The following PRPF6 variants were observed in gnomAD, a reference collection of about 807,000 sequenced individuals.
The protein encoded by PRPF6 is pre-mRNA processing factor 6.
In PRPF6, 42 loss-of-function variants were observed where a neutral mutation model predicts 118.3. The ratio of observed to expected loss-of-function variants is 0.35; its 90% CI spans 0.28 to 0.46. The LOEUF (loss-of-function observed/expected upper bound fraction) is 0.46, where lower values mean the gene tolerates loss of function less well. Among genes scored for constraint, PRPF6 ranks in the 20% least tolerant of loss-of-function variants. The pLI is 1.00. For synonymous variants in PRPF6, 481 were observed against 485.1 expected, an observed-to-expected ratio of 0.99 and a Z score of 0.11; for missense variants, 662 against 1,255.7, an observed-to-expected ratio of 0.53 and a Z score of 7.15.
intron 12 of PRPF6, among the ~76,000 whole-genome samples, chr20:64,020,185 G>T (rs113406718): frequency 0.013 from 1,971 of 152,298 alleles, 56 homozygotes; most frequent in African/African-American, 0.045. Context: ...GGAGGCCGAG[G>T]TGGGTGGATC....
At chr20:64,000,052 C>T (rs1315800691) in intron 8 of PRPF6, among the ~76,000 whole-genome samples, 8 of 151,918 alleles carry the variant, frequency 5.3e-5, no homozygotes, top group Non-Finnish European at 1.2e-4. Context: ...GCCAGGTTCA[C>T]ACCATTGTCC....
intron 3 of PRPF6, 67 bp from the exon 4 acceptor site, chr20:63,993,340 A>T: frequency 8.6e-7 from 1 of 1,164,238 alleles, no homozygotes; most frequent in Admixed American, 1.7e-5. Context: ...TTTAATTGAG[A>T]TGGATAATAA....
intron 4 of PRPF6, among the ~76,000 whole-genome samples, chr20:63,994,081 C>A (rs567393177): frequency 1.3e-5 from 2 of 151,848 alleles, no homozygotes; most frequent in East Asian, 3.9e-4. Context: ...TAAACTGTGT[C>A]CCCTGGGCTT....
intron 2 of PRPF6, among the ~76,000 whole-genome samples, chr20:63,983,923 G>C (rs537222377): frequency 1.3e-4 from 20 of 152,176 alleles, no homozygotes; most frequent in Non-Finnish European, 2.4e-4. Flanking sequence ...AAAGTGTTGG[G>C]ATTACAGGCG....
At position 63,986,883 on chromosome 20, in the gene PRPF6, C is replaced by G. The variant is rs193246850; in HGVS notation, c.359+1858C>G. On this transcript the variant is annotated intron_variant, in intron 3 of 20. Transcript: ENST00000266079. ...AAAACTGCATATAGAAGAAACATAC[C>G]TCAGGCTGGGTGTGGTGGCTCACGT... Among the ~76,000 whole-genome samples the G allele has an allele frequency of 3.6e-4, 54 of 151,662 alleles. No individual in the cohort carries two copies. The East Asian group carries it at 8.0e-3, about 23-fold the overall frequency.
intron 3 of PRPF6, among the ~76,000 whole-genome samples, chr20:63,992,491 A>C (rs2059122927): frequency 6.6e-6 from 1 of 152,094 alleles, no homozygotes; most frequent in Non-Finnish European, 1.5e-5. Context: ...TCCTGACCTC[A>C]GGTGATCTGC....
intron 6 of PRPF6, among the ~76,000 whole-genome samples, chr20:63,998,169 A>T (rs1601515870): frequency 6.6e-6 from 1 of 151,736 alleles, no homozygotes; most frequent in Non-Finnish European, 1.5e-5. Flanking sequence ...ATCTCGGCTC[A>T]CTGCAGCCTC....
At chr20:64,005,719 G>A (rs1282399471) in intron 9 of PRPF6, among the ~76,000 whole-genome samples, 1 of 151,970 alleles carries the variant, frequency 6.6e-6, no homozygotes, top group Non-Finnish European at 1.5e-5. Context: ...GGGACCATAG[G>A]TACATACTAC....
At chr20:64,005,555 G>T (rs1459289351) in intron 9 of PRPF6, among the ~76,000 whole-genome samples, 2 of 151,978 alleles carry the variant, frequency 1.3e-5, no homozygotes, top group South Asian at 2.1e-4. Flanking sequence ...CTTGGTCAGG[G>T]TTCTTGACCT....
Position 63,983,343 on chromosome 20 carries a change from G to A in PRPF6, c.240+128G>A, listed in dbSNP as rs2059079453. ...ATGCATTTAAATTTTAGCTATTCAT[G>A]GAACATCTTTACTGAGAGTGAGAGG... On this transcript the variant is annotated intron_variant, in intron 2 of 20. Transcript: ENST00000266079. 3 of 1,194,512 alleles carry A rather than the reference G, an allele frequency of 2.5e-6. No homozygotes were observed. The South Asian group carries it at 3.7e-5, about 15-fold the overall frequency. 74.0% of individuals were successfully genotyped at this position (1,194,512 alleles called of 1,614,324 possible).
intron 3 of PRPF6, among the ~76,000 whole-genome samples, chr20:63,991,257 C>T (rs2059117319): frequency 6.6e-6 from 1 of 151,828 alleles, no homozygotes; most frequent in Non-Finnish European, 1.5e-5. Context: ...AACCCTGTCT[C>T]TACAAAAACA....
At position 64,028,428 on chromosome 20, in the gene PRPF6, A is replaced by G; in HGVS notation, c.2340-50A>G. ...AAGGCTTCCCAGAAGCTACCAGAAT[A>G]TGTGCTGTTGGTAGACGGCTGTGGG... On this transcript the variant is annotated intron_variant, in intron 17 of 20. Coordinates refer to ENST00000266079, the MANE Select transcript of PRPF6 (RefSeq NM_012469.4). This position sits in a 1 kb window ranked among gnomAD's most constrained non-coding sequence, Gnocchi z 6.5. 1 of 1,583,792 alleles carries G rather than the reference A, an allele frequency of 6.3e-7. No homozygotes were observed. Among genetic ancestry groups the G allele is most frequent in the Non-Finnish European group, 8.7e-7 (1 of 1,153,232 alleles).
chr20:63,988,641 G>T (rs2059105401), intron 3 of PRPF6, among the ~76,000 whole-genome samples: 1 of 152,164 alleles, frequency 6.6e-6, no homozygotes, highest in African/African-American at 2.4e-5. Flanking sequence ...ACTTTGGGAG[G>T]CTGAGGCAGG....
At chr20:64,005,323 A>G (rs2059185096) in intron 9 of PRPF6, among the ~76,000 whole-genome samples, 2 of 152,180 alleles carry the variant, frequency 1.3e-5, no homozygotes, top group Non-Finnish European at 2.9e-5. Context: ...CCGCATGAAT[A>G]TTCTGTTCTT....
At chr20:64,032,800 G>A (rs562703575) in intron 20 of PRPF6, 41 bp from the exon 21 acceptor site, 58 of 1,576,094 alleles carry the variant, frequency 3.7e-5, no homozygotes, top group African/African-American at 9.4e-5. Context: ...GGGGAGTAGC[G>A]TGGGAGGACC....
At chr20:64,021,851 G>A (rs377676905) in intron 12 of PRPF6, among the ~76,000 whole-genome samples, 92 of 148,330 alleles carry the variant, frequency 6.2e-4, no homozygotes, top group African/African-American at 2.1e-3. Context: ...GTGTGTATGC[G>A]TGCATGTATG....
In PRPF6 at chr20:63,983,141, G is replaced by A. The variant is rs748191076; in HGVS notation, c.166G>A (p.Val56Ile). ...DRHAPPGKRT[V>I]GDQMKKNQAA... Reference sequence around the variant, plus strand: ...CCATGCACCCCCAGGCAAGAGAACCGTTGGGGACCAGATGAAGAAAAATCA... The same window carrying A: ...CCATGCACCCCCAGGCAAGAGAACCATTGGGGACCAGATGAAGAAAAATCA... Residue 56 changes from valine (V) to isoleucine (I), a missense_variant, in exon 2 of 21, where the codon GTT (valine) becomes ATT (isoleucine). Val to Ile is a conservative substitution (Grantham distance 29, BLOSUM62 3). This residue lies in a region of PRPF6 where 21 missense variants were observed against 45.5 expected (regional missense o/e 0.46). Transcript: ENST00000266079. The A allele has an allele frequency of 3.1e-6, 5 of 1,614,050 alleles. No homozygotes were observed. The highest frequency in any genetic ancestry group is 1.3e-5 in the African/African-American group (1 of 74,914).
At chr20:63,990,767 C>A (rs1189518108) in intron 3 of PRPF6, among the ~76,000 whole-genome samples, 1 of 152,074 alleles carries the variant, frequency 6.6e-6, no homozygotes, top group Admixed American at 6.6e-5. Context: ...GCCTCAGCCT[C>A]CCAAGTGGCT....
In PRPF6 at chr20:63,996,417, C is replaced by T. The variant is rs147493817; in HGVS notation, c.771+935C>T. On this transcript the variant is annotated intron_variant, in intron 6 of 20. Coordinates refer to ENST00000266079, the MANE Select transcript of PRPF6 (RefSeq NM_012469.4). ...CAGCCTTGACCTCCCTGGGCTAAGG[C>T]GATCCTTCCACCTCAGCCTGCCAAG... Among the ~76,000 whole-genome samples, 154 of 152,276 alleles carry T rather than the reference C, an allele frequency of 1.0e-3. 1 individual carries two copies. In the East Asian group the frequency reaches 0.027, roughly 26 times the overall value.
Sources: gnomAD v4.1 joint callset for allele counts (sites outside exome capture counted in the v4.1 genomes callset) on GRCh38, gnomAD v4.1.1 for gene constraint, gnomAD v4.1.1 regional missense constraint, Gnocchi (gnomAD v3.1) non-coding constraint, MANE v1.5 for transcripts, NCBI Gene and HGNC (gene_info 2026-07-23, HGNC 2026-07-21) for gene names.